The following EYA3 variants were observed in gnomAD, a reference collection of about 807,000 sequenced individuals.
The protein encoded by EYA3 is protein phosphatase EYA3.
Under a neutral mutation model 80.0 loss-of-function variants are expected in EYA3, and 39 were observed. The observed-to-expected ratio is 0.49, with a 90% CI of 0.38 to 0.64. The LOEUF (loss-of-function observed/expected upper bound fraction) is 0.64. Among genes scored for constraint, EYA3 ranks in the 30% least tolerant of loss-of-function variants. The pLI is 0.00. For synonymous variants in EYA3, 206 were observed against 232.8 expected, an observed-to-expected ratio of 0.88 and a Z score of 1.05; for missense variants, 523 against 676.1, an observed-to-expected ratio of 0.77 and a Z score of 2.51.
At chr1:28,047,415 T>G (rs1644052643) in intron 3 of EYA3, among the ~76,000 whole-genome samples, 1 of 152,120 alleles carries the variant, frequency 6.6e-6, no homozygotes, top group South Asian at 2.1e-4. Context: ...AATTGATAGT[T>G]TAAGACATCA....
intron 13 of EYA3, among the ~76,000 whole-genome samples, chr1:27,997,068 A>C (rs1020239144): frequency 2.0e-5 from 3 of 152,200 alleles, no homozygotes; most frequent in African/African-American, 7.2e-5. Context: ...TCCACTGAGA[A>C]ACCTCTCCAG....
intron 16 of EYA3, among the ~76,000 whole-genome samples, chr1:27,981,461 T>A (rs1232127613): frequency 6.6e-6 from 1 of 152,184 alleles, no homozygotes; most frequent in Admixed American, 6.5e-5. Flanking sequence ...GTTCCTATGA[T>A]ATACATAAAG....
chr1:28,044,016 A>T (rs953526223), intron 3 of EYA3, among the ~76,000 whole-genome samples: 3 of 152,202 alleles, frequency 2.0e-5, no homozygotes, highest in Non-Finnish European at 4.4e-5. Context: ...ATTTTTTTTA[A>T]CTTATAAGGA....
intron 5 of EYA3, 81 bp downstream of exon 5, chr1:28,038,758 T>C: frequency 1.3e-6 from 1 of 771,684 alleles, no homozygotes; most frequent in Middle Eastern, 3.3e-4. Flanking sequence ...TATCTATTAT[T>C]TTAGAGGAAA....
intron 10 of EYA3, among the ~76,000 whole-genome samples, chr1:28,004,709 ATG>A (rs1034166976): frequency 1.8e-4 from 28 of 152,050 alleles, no homozygotes; most frequent in African/African-American, 6.7e-4. Flanking sequence ...ACATATATAT[ATG>A]TATTTTATAC....
At chr1:28,032,735 T>C (rs1416423110) in intron 6 of EYA3, among the ~76,000 whole-genome samples, 1 of 152,210 alleles carries the variant, frequency 6.6e-6, no homozygotes, top group Non-Finnish European at 1.5e-5. Flanking sequence ...CAGTATTTCT[T>C]TACTTTAAAA....
chr1:27,983,178 T>A (rs529651036), intron 16 of EYA3, among the ~76,000 whole-genome samples: 1 of 152,300 alleles, frequency 6.6e-6, no homozygotes, highest in African/African-American at 2.4e-5. Flanking sequence ...TCTGCTACTG[T>A]AGTGTGAAAG....
chr1:27,988,552 T>C lies in EYA3; in HGVS notation c.1523A>G (p.Tyr508Cys). 6.2e-7 allele frequency: 1 copy of C among 1,613,952 alleles called. No homozygotes were observed. Among genetic ancestry groups the C allele is most frequent in the Non-Finnish European group, 8.5e-7 (1 of 1,179,962 alleles). ...AACCATACCAATTTTGGTAGCACTA[T>C]AGATGTTCTCAATAGGAAATATTTC... Reference protein sequence around the residue: ...LGEIFPIENIYSATKIGKESC... With the variant: ...LGEIFPIENICSATKIGKESC... The change falls in exon 16 of 18, where the codon TAT (tyrosine) becomes TGT (cysteine). Residue 508 changes from tyrosine (Y) to cysteine (C), a missense_variant. Transcript: ENST00000373871.
At chr1:28,061,081 G>A (rs1362180291) in intron 1 of EYA3, among the ~76,000 whole-genome samples, 1 of 152,126 alleles carries the variant, frequency 6.6e-6, no homozygotes, top group Admixed American at 6.5e-5. Context: ...CAATGACCAC[G>A]AATAATTTTG....
chr1:28,038,324 T>A (rs755436466), intron 5 of EYA3, among the ~76,000 whole-genome samples: 1 of 151,600 alleles, frequency 6.6e-6, no homozygotes, highest in East Asian at 1.9e-4. Context: ...TAGTCCCAGC[T>A]ATCCGGGAGG....
At chr1:27,976,342 C>T (rs563171634) in intron 17 of EYA3, among the ~76,000 whole-genome samples, 188 of 64,842 alleles carry the variant, frequency 2.9e-3, no homozygotes, top group Middle Eastern at 0.023. Context: ...CACCTGTAGT[C>T]CCAGCTACTT....
chr1:28,038,452 AAAAAAAAAAAAAC>A (rs1186815748), intron 5 of EYA3, among the ~76,000 whole-genome samples: 1 of 150,864 alleles, frequency 6.6e-6, no homozygotes, highest in Non-Finnish European at 1.5e-5. Flanking sequence ...AAAAAAAAAA[AAAAAAAAAAAAAC>A]CGAACACAGA....
chr1:27,988,498 G>C (rs879764269), intron 16 of EYA3, 37 bp downstream of exon 16: 10 of 1,603,486 alleles, frequency 6.2e-6, no homozygotes, highest in Admixed American at 1.8e-5. Context: ...AAGTTTTATT[G>C]CAAGGCCAGT....
At chr1:28,022,439 C>T (rs1462534214) in intron 7 of EYA3, among the ~76,000 whole-genome samples, 1 of 152,094 alleles carries the variant, frequency 6.6e-6, no homozygotes, top group African/African-American at 2.4e-5. Context: ...TGAGCCACCG[C>T]GCCCGGCCTA....
At chr1:27,988,227 A>G (rs1639799383) in intron 16 of EYA3, among the ~76,000 whole-genome samples, 2 of 152,154 alleles carry the variant, frequency 1.3e-5, no homozygotes, top group African/African-American at 2.4e-5. Context: ...TTTTTCTATT[A>G]TACTACATAC....
chr1:28,001,323 C>T (rs527398386), intron 11 of EYA3, among the ~76,000 whole-genome samples: 206 of 150,930 alleles, frequency 1.4e-3, no homozygotes, highest in African/African-American at 4.8e-3. Context: ...GTGCTCTTCC[C>T]ATTATATCTT....
At chr1:28,073,456 C>A (rs1478266777) in intron 1 of EYA3, among the ~76,000 whole-genome samples, 1 of 151,444 alleles carries the variant, frequency 6.6e-6, no homozygotes, top group Non-Finnish European at 1.5e-5. Flanking sequence ...TGCCACCATG[C>A]CTGGCTAATT....
chr1:28,027,147 G>C (rs1223324905), intron 7 of EYA3, among the ~76,000 whole-genome samples: 1 of 152,138 alleles, frequency 6.6e-6, no homozygotes, highest in Non-Finnish European at 1.5e-5. Flanking sequence ...CAAATTGCCT[G>C]CCCTGGATTT....
intron 1 of EYA3, among the ~76,000 whole-genome samples, chr1:28,071,396 T>C (rs1373933140): frequency 6.6e-6 from 1 of 152,204 alleles, no homozygotes; most frequent in Non-Finnish European, 1.5e-5. Flanking sequence ...TATTTTGCAT[T>C]TCTCTCATGT....
Sources: allele counts gnomAD v4.1 joint callset (sites outside exome capture counted in the v4.1 genomes callset), GRCh38; gene constraint gnomAD v4.1.1; transcripts MANE v1.5; gene names NCBI Gene and HGNC (gene_info 2026-07-23, HGNC 2026-07-21).